Variants in SGCZ observed in about 807,000 individuals in gnomAD.
The protein encoded by SGCZ is zeta-sarcoglycan.
In SGCZ, 40 loss-of-function variants were observed where a neutral mutation model predicts 41.3. The ratio of observed to expected loss-of-function variants is 0.97; its 90% CI spans 0.75 to 1.26. The LOEUF is 1.26. SGCZ is among the 50% of genes most tolerant of loss of function. The probability of loss-of-function intolerance (pLI) is 0.00; values close to 1 mark genes in which losing one functional copy is unlikely to be tolerated. For synonymous variants in SGCZ, 206 were observed against 137.5 expected, an observed-to-expected ratio of 1.50 and a Z score of -3.49; for missense variants, 552 against 369.8, an observed-to-expected ratio of 1.49 and a Z score of -4.04.
chr8:15,043,063 T>G (rs1804168238), intron 1 of SGCZ, among the ~76,000 whole-genome samples: 1 of 152,196 alleles, frequency 6.6e-6, no homozygotes, highest in Admixed American at 6.5e-5. Flanking sequence ...ACTGTCATGG[T>G]AACACTCTCC....
chr8:14,281,726 A>G (rs1800447822), intron 3 of SGCZ, among the ~76,000 whole-genome samples: 2 of 152,196 alleles, frequency 1.3e-5, no homozygotes, highest in South Asian at 4.1e-4. Flanking sequence ...AACAAGGAAT[A>G]TTTGTGTCAA....
rs116389292 is a variant in SGCZ, at chr8:14,508,718, C to G, written c.234+46014G>C. The stretch of plus-strand genomic sequence containing the variant: ...AATATGGGTTACACTGGAACAGTAG[C>G]AACGTTGGTTGTCAAGTTTTAGACT... On this transcript the variant is annotated intron_variant, in intron 2 of 7. Transcript: ENST00000382080. Among the ~76,000 whole-genome samples the G allele has an allele frequency of 9.4e-3, 1,426 of 152,252 alleles. 27 individuals carry two copies. The highest frequency in any genetic ancestry group is 0.032 in the African/African-American group (1,322 of 41,540).
At chr8:14,661,151 A>C (rs1807735590) in intron 1 of SGCZ, among the ~76,000 whole-genome samples, 1 of 152,176 alleles carries the variant, frequency 6.6e-6, no homozygotes, top group African/African-American at 2.4e-5. Flanking sequence ...AAAAAATAGA[A>C]GGTGCGTTTT....
At chr8:14,699,624 A>C (rs1032590911) in intron 1 of SGCZ, among the ~76,000 whole-genome samples, 4 of 152,030 alleles carry the variant, frequency 2.6e-5, no homozygotes, top group Non-Finnish European at 5.9e-5. Flanking sequence ...GTGGGACCAA[A>C]TTAGACTAAA....
chr8:14,795,919 T>C (rs1422491849), intron 1 of SGCZ, among the ~76,000 whole-genome samples: 2 of 152,132 alleles, frequency 1.3e-5, no homozygotes, highest in Non-Finnish European at 2.9e-5. Flanking sequence ...AGTGAGAACA[T>C]GTAGTATTTG....
At chr8:14,575,244 G>A (rs1804672319) in intron 1 of SGCZ, among the ~76,000 whole-genome samples, 1 of 152,120 alleles carries the variant, frequency 6.6e-6, no homozygotes, top group African/African-American at 2.4e-5. Context: ...TAGGGGTAAA[G>A]AAGTAAACCA....
chr8:15,152,495 C>T (rs1234010609), intron 1 of SGCZ, among the ~76,000 whole-genome samples: 1 of 152,170 alleles, frequency 6.6e-6, no homozygotes, highest in Middle Eastern at 3.2e-3. Context: ...AAAAGCAGGT[C>T]CTTGCAAGCT....
At chr8:14,139,839 G>A (rs1803312112) in intron 5 of SGCZ, among the ~76,000 whole-genome samples, 1 of 152,068 alleles carries the variant, frequency 6.6e-6, no homozygotes, top group African/African-American at 2.4e-5. Context: ...ATGTTATGAG[G>A]CCAGCATCAT....
At chr8:14,956,063 C>T (rs1441216076) in intron 1 of SGCZ, among the ~76,000 whole-genome samples, 1 of 112,392 alleles carries the variant, frequency 8.9e-6, no homozygotes, top group Non-Finnish European at 1.7e-5. Context: ...TTTTTTGAGA[C>T]GGAGTTTCAT....
At chr8:15,128,632 T>C (rs1807790091) in intron 1 of SGCZ, among the ~76,000 whole-genome samples, 1 of 152,200 alleles carries the variant, frequency 6.6e-6, no homozygotes, top group Non-Finnish European at 1.5e-5. Context: ...GAATACAGTA[T>C]AAGTTAATAA....
At chr8:14,634,667 T>C (rs1806770085) in intron 1 of SGCZ, among the ~76,000 whole-genome samples, 1 of 151,810 alleles carries the variant, frequency 6.6e-6, no homozygotes, top group South Asian at 2.1e-4. Flanking sequence ...GAATACCCTA[T>C]GGATATTAAG....
At chr8:14,095,636 G>A (rs1801819961) in intron 7 of SGCZ, among the ~76,000 whole-genome samples, 1 of 152,100 alleles carries the variant, frequency 6.6e-6, no homozygotes, top group Non-Finnish European at 1.5e-5. Flanking sequence ...CCAATTCTGT[G>A]AAGAATGTCA....
chr8:14,521,123 T>C (rs1368594409), intron 2 of SGCZ, among the ~76,000 whole-genome samples: 1 of 152,156 alleles, frequency 6.6e-6, no homozygotes, highest in East Asian at 1.9e-4. Flanking sequence ...GCCAGGATAC[T>C]GACATTGAAT....
intron 2 of SGCZ, among the ~76,000 whole-genome samples, chr8:14,474,528 T>C (rs1294465057): frequency 6.6e-6 from 1 of 152,220 alleles, no homozygotes; most frequent in African/African-American, 2.4e-5. Context: ...CAATGTTTAG[T>C]CATGGTTTTA....
intron 3 of SGCZ, among the ~76,000 whole-genome samples, chr8:14,285,877 T>C (rs929113417): frequency 6.6e-6 from 1 of 152,102 alleles, no homozygotes; most frequent in East Asian, 1.9e-4. Context: ...ATTCCTACCA[T>C]TGCTGACAAT....
intron 2 of SGCZ, among the ~76,000 whole-genome samples, chr8:14,521,529 A>C (rs1802788769): frequency 6.6e-6 from 1 of 152,136 alleles, no homozygotes; most frequent in Non-Finnish European, 1.5e-5. Context: ...GTGCCAATGT[A>C]CCCAGTTGTT....
At chr8:14,416,225 C>T (rs921418898) in intron 2 of SGCZ, among the ~76,000 whole-genome samples, 1 of 151,822 alleles carries the variant, frequency 6.6e-6, no homozygotes, top group African/African-American at 2.4e-5. Context: ...AGAAGGCCTC[C>T]TTTAAGGCAG....
At chr8:15,231,727 T>G (rs1485312313) in intron 1 of SGCZ, among the ~76,000 whole-genome samples, 2 of 143,620 alleles carry the variant, frequency 1.4e-5, no homozygotes, top group Non-Finnish European at 3.0e-5. Flanking sequence ...CTTCAAGCAA[T>G]TCTCTCGCCT....
chr8:14,744,925 G>A (rs1799300103), intron 1 of SGCZ, among the ~76,000 whole-genome samples: 2 of 152,098 alleles, frequency 1.3e-5, no homozygotes, highest in South Asian at 2.1e-4. Context: ...AAAACATTGT[G>A]TTCAGATCCA....
Sources: allele counts gnomAD v4.1 joint callset (sites outside exome capture counted in the v4.1 genomes callset), GRCh38; gene constraint gnomAD v4.1.1; transcripts MANE v1.5; gene names NCBI Gene and HGNC (gene_info 2026-07-23, HGNC 2026-07-21).